SPAG16: variants seen among roughly 807,000 people sequenced by gnomAD.
The protein encoded by SPAG16 is sperm associated antigen 16.
Under a neutral mutation model 80.4 loss-of-function variants are expected in SPAG16, and 86 were observed. The observed-to-expected ratio is 1.07, with a 90% confidence interval of 0.90 to 1.28. The LOEUF (loss-of-function observed/expected upper bound fraction) is 1.28, where lower values mean the gene tolerates loss of function less well. Among genes scored for constraint, SPAG16 ranks in the 50% most tolerant of loss-of-function variants. SPAG16 has a pLI of 0.00. For missense variants in SPAG16, 870 were observed against 765.3 expected, an observed-to-expected ratio of 1.14 and a Z score of -1.61; for synonymous variants, 294 against 265.9, an observed-to-expected ratio of 1.11 and a Z score of -1.03.
At chr2:213,694,164 A>G (rs1471803211) in intron 10 of SPAG16, among the ~76,000 whole-genome samples, 1 of 152,196 alleles carries the variant, frequency 6.6e-6, no homozygotes, top group Non-Finnish European at 1.5e-5. Flanking sequence ...TAAACTAAGG[A>G]GGTAAGAGAA....
intron 10 of SPAG16, among the ~76,000 whole-genome samples, chr2:213,654,278 A>C (rs1226022211): frequency 6.6e-6 from 1 of 152,186 alleles, no homozygotes; most frequent in African/African-American, 2.4e-5. Flanking sequence ...AAATTTCAAA[A>C]CCCATCAAAT....
Position 214,014,032 on chromosome 2 carries a change from C to A in SPAG16, c.1482C>A (p.Leu494=), listed in dbSNP as rs755134894. The change falls in exon 13 of 16, where the codon CTC becomes CTA. Residue 494 remains leucine (L), a synonymous_variant. Transcript: ENST00000331683. ...IEFFPFSNTL[L]TSSADKTLSI... ...TTTTTCCTTTCTCCAATACTCTTCTCACAAGCTCTGCAGACAAGACCCTGT... is the reference window on the plus strand; with the variant it reads ...TTTTTCCTTTCTCCAATACTCTTCTAACAAGCTCTGCAGACAAGACCCTGT... 5 of 1,613,558 alleles carry A rather than the reference C, an allele frequency of 3.1e-6. No individual in the cohort carries two copies. In the South Asian group the frequency reaches 5.5e-5, roughly 18 times the overall value.
chr2:213,752,681 T>C (rs1044020621), intron 10 of SPAG16, among the ~76,000 whole-genome samples: 3 of 152,246 alleles, frequency 2.0e-5, no homozygotes, highest in African/African-American at 7.2e-5. Context: ...TTTTCTCTGC[T>C]TTGTATTTTG....
rs547359200 is a variant in SPAG16 at position 213,862,222 on chromosome 2, C to G, written c.1071-263C>G. Among the ~76,000 whole-genome samples, 32 of 152,250 alleles carry G rather than the reference C, an allele frequency of 2.1e-4. No homozygotes were observed. The South Asian group carries it at 6.6e-3, about 32-fold the overall frequency. On this transcript the variant is annotated intron_variant, in intron 10 of 15. Transcript: ENST00000331683. Reference sequence around the variant, plus strand: ...TTTTCAAACCAGAATTAGATATGCACAATCACCTAAACCAACTACTTTGTC... The same window carrying G: ...TTTTCAAACCAGAATTAGATATGCAGAATCACCTAAACCAACTACTTTGTC...
chr2:213,907,796 C>G (rs984950863), intron 11 of SPAG16, among the ~76,000 whole-genome samples: 7 of 152,102 alleles, frequency 4.6e-5, no homozygotes, highest in African/African-American at 1.7e-4. Flanking sequence ...GGTGCACATT[C>G]TCTCTCATGT....
intron 10 of SPAG16, among the ~76,000 whole-genome samples, chr2:213,571,330 T>C (rs1382957620): frequency 1.6e-4 from 1 of 6,404 alleles, no homozygotes; most frequent in Non-Finnish European, 2.4e-4. Context: ...TTCTTCCTAG[T>C]CTCGATGGTC....
chr2:213,561,262 A>T lies in SPAG16; in HGVS notation c.1070+71172A>T, dbSNP rs142699895. Among the ~76,000 whole-genome samples the T allele has an allele frequency of 2.6e-5, 4 of 152,336 alleles. No individual in the cohort carries two copies. The East Asian group carries it at 7.7e-4, about 29-fold the overall frequency. ...TCAGTTATTAAAATGTATATTAGTTAGAATTACCTTTAATTTTTTACTATA... is the reference window on the plus strand; with the variant it reads ...TCAGTTATTAAAATGTATATTAGTTTGAATTACCTTTAATTTTTTACTATA... On this transcript the variant is annotated intron_variant, in intron 10 of 15. Coordinates refer to ENST00000331683, the MANE Select transcript of SPAG16 (RefSeq NM_024532.5).
chr2:214,392,660 T>C (rs1469424145), intron 15 of SPAG16, among the ~76,000 whole-genome samples: 2 of 146,974 alleles, frequency 1.4e-5, no homozygotes, highest in Non-Finnish European at 3.0e-5. Context: ...AGTTTAGGAG[T>C]AATTAGTGAC....
intron 10 of SPAG16, among the ~76,000 whole-genome samples, chr2:213,724,993 T>C (rs2066699593): frequency 6.6e-6 from 1 of 151,842 alleles, no homozygotes; most frequent in African/African-American, 2.4e-5. Flanking sequence ...ATGAGAGATA[T>C]AATGTGACTA....
At chr2:213,669,738 A>G (rs2063746818) in intron 10 of SPAG16, among the ~76,000 whole-genome samples, 6 of 152,118 alleles carry the variant, frequency 3.9e-5, no homozygotes. Context: ...GAATTTCTTA[A>G]CTCTAGGCAG....
intron 15 of SPAG16, among the ~76,000 whole-genome samples, chr2:214,255,993 G>A (rs1379389300): frequency 3.9e-5 from 6 of 151,910 alleles, no homozygotes; most frequent in Admixed American, 1.3e-4. Flanking sequence ...TGTAAAGCCT[G>A]TCATAGGGCA....
chr2:213,848,224 C>T (rs2074726452), intron 10 of SPAG16, among the ~76,000 whole-genome samples: 1 of 152,184 alleles, frequency 6.6e-6, no homozygotes, highest in African/African-American at 2.4e-5. Context: ...CCTCTGTGCT[C>T]TTTTCCTACC....
rs1304639581 is a variant in SPAG16, at chr2:213,910,549, C to T, written c.1215-19411C>T. On this transcript the variant is annotated intron_variant, in intron 11 of 15. Coordinates refer to ENST00000331683, the MANE Select transcript of SPAG16 (RefSeq NM_024532.5). ...TGTCGCCCAGGCTGGAGTGCAGTGG[C>T]GCGATCTCGGCTCACTGCAAGCTCC... Among the ~76,000 whole-genome samples the T allele has an allele frequency of 2.2e-4, 6 of 27,590 alleles. 1 individual carries two copies. Among genetic ancestry groups the T allele is most frequent in the African/African-American group, 3.9e-4 (6 of 15,578 alleles). The allele number at this position is 27,590 out of a possible 152,430, so 18.1% of individuals were successfully genotyped here. A position where few individuals can be genotyped will look rare whatever the true frequency, so the allele number is the denominator to read the frequency against.
rs184021317 is a variant in SPAG16 at position 213,868,485 on chromosome 2, A to G, written c.1214+5857A>G. 1.3e-4 allele frequency among the ~76,000 whole-genome samples: 20 copies of G among 152,348 alleles called. No homozygotes were observed. In the East Asian group the frequency reaches 3.5e-3, roughly 26 times the overall value. ...AATCAATATTCAGGTTAATAATGTT[A>G]TATCAGTAAAACTCATGCTACATTA... On this transcript the variant is annotated intron_variant, in intron 11 of 15. Transcript: ENST00000331683.
intron 12 of SPAG16, among the ~76,000 whole-genome samples, chr2:213,934,231 A>G (rs1296713046): frequency 1.3e-5 from 2 of 152,164 alleles, no homozygotes; most frequent in African/African-American, 4.8e-5. Context: ...AGTGATGCTT[A>G]TATGTTTCCC....
intron 13 of SPAG16, among the ~76,000 whole-genome samples, chr2:214,084,512 C>T (rs1176633828): frequency 6.6e-6 from 1 of 152,188 alleles, no homozygotes; most frequent in Non-Finnish European, 1.5e-5. Context: ...AGCCTATCAA[C>T]AGGTTTTGCT....
intron 10 of SPAG16, among the ~76,000 whole-genome samples, chr2:213,654,520 C>A (rs940053785): frequency 8.1e-6 from 1 of 123,460 alleles, no homozygotes; most frequent in African/African-American, 2.9e-5. Flanking sequence ...CACGGTGAAA[C>A]CCCGTCTCTA....
At chr2:213,869,982 T>C (rs1260430027) in intron 11 of SPAG16, among the ~76,000 whole-genome samples, 2 of 152,204 alleles carry the variant, frequency 1.3e-5, no homozygotes, top group African/African-American at 2.4e-5. Context: ...AACTACCATA[T>C]GTCAAGTATT....
intron 14 of SPAG16, among the ~76,000 whole-genome samples, chr2:214,113,608 C>G (rs575175756): frequency 6.6e-6 from 1 of 152,328 alleles, no homozygotes; most frequent in Admixed American, 6.5e-5. Context: ...TCCACTTGAT[C>G]AAATTGTCTA....
Sources: allele counts gnomAD v4.1 joint callset (sites outside exome capture counted in the v4.1 genomes callset), GRCh38; gene constraint gnomAD v4.1.1; transcripts MANE v1.5; gene names NCBI Gene and HGNC (gene_info 2026-07-23, HGNC 2026-07-21).